GPATCH8: variants seen among roughly 807,000 people sequenced by gnomAD.
The protein encoded by GPATCH8 is G-patch domain containing 8, also known as G patch domain-containing protein 8.
In GPATCH8, 18 loss-of-function variants were observed where a neutral mutation model predicts 118.3. The ratio of observed to expected loss-of-function variants is 0.15; its 90% confidence interval spans 0.11 to 0.23. The LOEUF (loss-of-function observed/expected upper bound fraction) is 0.23. Among genes scored for constraint, GPATCH8 ranks in the 10% least tolerant of loss-of-function variants. GPATCH8 has a pLI of 1.00. For missense variants in GPATCH8, 1,631 were observed against 1,873.8 expected (o/e 0.87, Z 2.39); for synonymous variants, 659 against 684.7 (o/e 0.96, Z 0.59).
intron 3 of GPATCH8, chr17:44,446,049 C>G (rs1199028485): frequency 1.3e-5 from 2 of 152,154 alleles, no homozygotes; most frequent in Non-Finnish European, 2.9e-5. Flanking sequence ...AAGTGATCCT[C>G]CCACCTCAGC....
intron 1 of GPATCH8, among the ~76,000 whole-genome samples, chr17:44,489,570 C>T (rs1413027523): frequency 6.6e-6 from 1 of 152,098 alleles, no homozygotes; most frequent in Non-Finnish European, 1.5e-5. Context: ...GAACTCCCGA[C>T]CTCAGGTGAT....
intron 3 of GPATCH8, among the ~76,000 whole-genome samples, chr17:44,455,993 T>C (rs1322238933): frequency 6.6e-6 from 1 of 152,228 alleles, no homozygotes; most frequent in Admixed American, 6.5e-5. Flanking sequence ...GTGATCCACC[T>C]GCCTCGGCCT....
intron 5 of GPATCH8, among the ~76,000 whole-genome samples, chr17:44,427,920 C>T (rs1049349502): frequency 3.6e-4 from 55 of 152,014 alleles, no homozygotes; most frequent in African/African-American, 1.3e-3. Flanking sequence ...ATCCTATATC[C>T]ATCCATCCAT....
chr17:44,462,708 C>T (rs991269842), intron 3 of GPATCH8, among the ~76,000 whole-genome samples: 2 of 152,184 alleles, frequency 1.3e-5, no homozygotes, highest in South Asian at 4.1e-4. Flanking sequence ...CCTGGCCAGG[C>T]GCGGTGGCTC....
intron 7 of GPATCH8, among the ~76,000 whole-genome samples, chr17:44,404,703 G>A (rs1306151429): frequency 6.6e-6 from 1 of 151,978 alleles, no homozygotes; most frequent in Non-Finnish European, 1.5e-5. Context: ...AACTTAATCA[G>A]TATATTATAC....
chr17:44,411,415 T>A (rs531257857), intron 6 of GPATCH8, among the ~76,000 whole-genome samples: 114 of 152,314 alleles, frequency 7.5e-4, no homozygotes, highest in African/African-American at 2.6e-3. Flanking sequence ...CTCTCTACCA[T>A]CAAAATAAAA....
rs1420787682 is a variant in GPATCH8, at chr17:44,503,332, G to A, written c.39C>T (p.Asp13=). 1 of 1,611,010 alleles carries A rather than the reference G, an allele frequency of 6.2e-7. No individual in the cohort carries two copies. The highest frequency in any genetic ancestry group is 1.3e-5 in the African/African-American group (1 of 74,888). Residue 13 remains aspartate, a synonymous_variant, in exon 1 of 8, where the codon GAC becomes GAT. Transcript: ENST00000591680. ...CGGCGACGCCCGTGTTTACCTGAAA[G>A]TCTCGGTCTTCGTTGAAGCGGGAGA... ...DRFSRFNEDR[D]FQGNHFDQYE... is the part of the protein sequence containing the mutation.
intron 2 of GPATCH8, among the ~76,000 whole-genome samples, chr17:44,473,965 G>C (rs1206212746): frequency 6.6e-6 from 1 of 152,180 alleles, no homozygotes; most frequent in Non-Finnish European, 1.5e-5. Flanking sequence ...GAAGAAGCTA[G>C]TGTTTCTTAA....
intron 1 of GPATCH8, among the ~76,000 whole-genome samples, chr17:44,491,276 G>A (rs186334662): frequency 5.3e-4 from 81 of 152,216 alleles, no homozygotes; most frequent in Middle Eastern, 3.4e-3. Flanking sequence ...GGATCACAAG[G>A]TCAGGAGTTC....
At chr17:44,439,617 A>AAAAAC (rs963394074) in intron 3 of GPATCH8, among the ~76,000 whole-genome samples, 20 of 152,300 alleles carry the variant, frequency 1.3e-4, no homozygotes, top group Non-Finnish European at 1.3e-4. Context: ...TGCAGCATTA[A>AAAAAC]AAAACAAAAC....
intron 6 of GPATCH8, among the ~76,000 whole-genome samples, chr17:44,414,109 ATATATATG>A (rs1465836345): frequency 6.1e-5 from 5 of 82,554 alleles, no homozygotes; most frequent in Non-Finnish European, 1.0e-4. Flanking sequence ...ATGTGTGTAT[ATATATATG>A]TATATATATG....
intron 1 of GPATCH8, among the ~76,000 whole-genome samples, chr17:44,499,011 G>A (rs1199823891): frequency 6.6e-6 from 1 of 152,136 alleles, no homozygotes; most frequent in Non-Finnish European, 1.5e-5. Context: ...TGTAATACAT[G>A]ACTAGCTTAT....
At position 44,474,818 on chromosome 17, in the gene GPATCH8, G is replaced by T; in HGVS notation, c.120+11C>A. The T allele has an allele frequency of 1.4e-6, 2 of 1,448,900 alleles. No individual in the cohort carries two copies. The highest frequency in any genetic ancestry group is 1.1e-5 in the South Asian group (1 of 87,636). The allele number at this position is 1,448,900 out of a possible 1,614,324, so 89.8% of individuals were successfully genotyped here. A position where few individuals can be genotyped will look rare whatever the true frequency, so the allele number is the denominator to read the frequency against. ...TAGCTAAGACCCGAAATTAAGCACT[G>T]ATTATCTTACCGATTCTATAGGCTT... is the stretch of plus-strand genomic sequence containing the variant. On this transcript the variant is annotated intron_variant, in intron 2 of 7. Transcript: ENST00000591680.
At position 44,396,829 on chromosome 17, in the gene GPATCH8, T is replaced by C. The variant is rs184802403; in HGVS notation, c.*739A>G. The C allele has an allele frequency of 4.6e-5, 21 of 454,412 alleles. No individual in the cohort carries two copies. The highest frequency in any genetic ancestry group is 1.6e-4 in the Admixed American group (7 of 42,554). The allele number at this position is 454,412 out of a possible 1,614,324, so 28.1% of individuals were successfully genotyped here. On this transcript the variant is annotated 3_prime_UTR_variant, in exon 8 of 8. Coordinates refer to ENST00000591680, the MANE Select transcript of GPATCH8 (RefSeq NM_001002909.4). Reference sequence around the variant, plus strand: ...AACATCAACACAACAGAAGAAAATATACCCTTCACTTTAGACACATGAGCT... The same window carrying C: ...AACATCAACACAACAGAAGAAAATACACCCTTCACTTTAGACACATGAGCT...
chr17:44,472,516 A>G (rs558780613), intron 2 of GPATCH8, among the ~76,000 whole-genome samples: 9 of 152,318 alleles, frequency 5.9e-5, no homozygotes, highest in African/African-American at 1.7e-4. Context: ...AAGTATCGTA[A>G]TAATGAATAC....
chr17:44,476,363 C>T (rs1967784489), intron 1 of GPATCH8, among the ~76,000 whole-genome samples: 1 of 152,064 alleles, frequency 6.6e-6, no homozygotes, highest in Non-Finnish European at 1.5e-5. Flanking sequence ...TGCCACCATG[C>T]CTGGCTAATT....
In GPATCH8 at chr17:44,398,702, G is replaced by A. The variant is rs752493632; in HGVS notation, c.3375C>T (p.Asp1125=). 6.3e-7 allele frequency: 1 copy of A among 1,596,392 alleles called. No individual in the cohort carries two copies. Among genetic ancestry groups the A allele is most frequent in the Non-Finnish European group, 8.5e-7 (1 of 1,169,872 alleles). The part of the protein sequence containing the change: ...TPNKAGPKLK[D]PPQGYFGPKL... ...TGGGCCCAAAGTAACCTTGTGGGGG[G>A]TCCTTGAGCTTGGGCCCAGCTTTAT... The change falls in exon 8 of 8, where the codon GAC becomes GAT. Residue 1125 remains aspartate (D), a synonymous_variant. Transcript: ENST00000591680.
Position 44,398,595 on chromosome 17 carries a change from C to T in GPATCH8, c.3482G>A (p.Cys1161Tyr), listed in dbSNP as rs1323432314. ...CCCCCTTTCCAAGCCAGACTCTTCA[C>T]ACTTCTTATTGGGCTTTCGGGTAGC... is the stretch of plus-strand genomic sequence containing the variant. ...LPATRKPNKK[C>Y]EESGLERGEE... The change falls in exon 8 of 8, where the codon TGT (cysteine) becomes TAT (tyrosine). Residue 1161 changes from cysteine to tyrosine, a missense_variant. Around this residue, in one of 8 missense-constraint regions of GPATCH8, gnomAD observed 922 missense variants for 879.7 expected, o/e 1.05. Transcript: ENST00000591680. 1 of 1,553,972 alleles carries T rather than the reference C, an allele frequency of 6.4e-7. No individual in the cohort carries two copies. Among genetic ancestry groups the T allele is most frequent in the Non-Finnish European group, 8.7e-7 (1 of 1,154,606 alleles).
At chr17:44,421,646 G>A (rs919948671) in intron 6 of GPATCH8, among the ~76,000 whole-genome samples, 2 of 151,810 alleles carry the variant, frequency 1.3e-5, no homozygotes, top group Non-Finnish European at 2.9e-5. Flanking sequence ...TTACAGGCAC[G>A]AGCCACCGCA....
Sources: allele counts gnomAD v4.1 joint callset (sites outside exome capture counted in the v4.1 genomes callset), GRCh38; gene constraint gnomAD v4.1.1; regional missense constraint gnomAD v4.1.1; transcripts MANE v1.5; gene names NCBI Gene and HGNC (gene_info 2026-07-23, HGNC 2026-07-21).